The following ATG7 variants were observed in gnomAD, a reference collection of about 807,000 sequenced individuals.
ATG7 encodes the protein ubiquitin-like modifier-activating enzyme ATG7.
ATG7 carries 70 observed loss-of-function variants against 82.4 expected under a neutral mutation model. The observed-to-expected ratio is 0.85, with a 90% confidence interval of 0.70 to 1.04. ATG7 has a LOEUF of 1.04. Ranked by LOEUF, ATG7 falls within the 50% of genes least tolerant of loss-of-function variation. The pLI is 0.00. For missense variants in ATG7, 792 were observed against 864.3 expected (o/e 0.92, Z 1.05); for synonymous variants, 287 against 313.0 (o/e 0.92, Z 0.88).
At chr3:11,574,248 T>C in the ATG7 span, among the ~76,000 whole-genome samples, 43 of 152,310 alleles carry the variant, frequency 2.8e-4, no homozygotes, top group African/African-American at 7.9e-4. Context: ...CTTTAGATAT[T>C]TGCCACACCC....
chr3:11,518,728 T>G (rs551183028), intron 20 of ATG7, among the ~76,000 whole-genome samples: 98 of 152,258 alleles, frequency 6.4e-4, no homozygotes, highest in Non-Finnish European at 1.1e-3. Context: ...CATACCCAAA[T>G]TGATAATCAG....
intron 20 of ATG7, among the ~76,000 whole-genome samples, chr3:11,439,497 C>A (rs1388177322): frequency 6.6e-6 from 1 of 152,146 alleles, no homozygotes; most frequent in Admixed American, 6.5e-5. Context: ...TGGCTTCTAT[C>A]AGTCAACAGA....
downstream of ATG7, among the ~76,000 whole-genome samples, chr3:11,559,023 C>G (rs1328925908): frequency 2.0e-5 from 3 of 152,174 alleles, no homozygotes; most frequent in Non-Finnish European, 4.4e-5. Context: ...GGTGATGTAC[C>G]AACTGCACTG....
At position 11,315,482 on chromosome 3, in the gene ATG7, C is replaced by G; in HGVS notation, c.667C>G (p.Gln223Glu). The G allele has an allele frequency of 6.3e-7, 1 of 1,595,972 alleles. No individual in the cohort carries two copies. The highest frequency in any genetic ancestry group is 1.2e-5 in the South Asian group (1 of 86,688). ...LKHYSDFFQG[Q>E]RTKITIGVYD... ...ACACTACAGTGATTTCTTCCAAGGT[C>G]AAAGGACGAAGGTCAGATAAACTTT... The change falls in exon 9 of 21, where the codon CAA (glutamine) becomes GAA (glutamate). Residue 223 changes from glutamine (Q) to glutamate (E), a missense_variant. Gln to Glu is a conservative substitution (Grantham distance 29). Coordinates refer to ENST00000693202, the MANE Select transcript of ATG7 (RefSeq NM_001349232.2).
intron 20 of ATG7, among the ~76,000 whole-genome samples, chr3:11,494,580 T>C (rs1559746351): frequency 6.6e-6 from 1 of 152,102 alleles, no homozygotes; most frequent in Admixed American, 6.6e-5. Flanking sequence ...TAGGAAGAAG[T>C]TATAGGAAAT....
chr3:11,570,728 A>G, the ATG7 span, among the ~76,000 whole-genome samples: 1 of 152,248 alleles, frequency 6.6e-6, no homozygotes, highest in Non-Finnish European at 1.5e-5. Context: ...AATGTTGGGC[A>G]TAAACAGTGG....
At chr3:11,515,041 A>G (rs560858500) in intron 20 of ATG7, among the ~76,000 whole-genome samples, 20 of 152,026 alleles carry the variant, frequency 1.3e-4, no homozygotes, top group African/African-American at 4.6e-4. Context: ...GGGTTTCACC[A>G]TGTTGGTCAG....
chr3:11,354,081 A>G (rs1179499119), intron 14 of ATG7, among the ~76,000 whole-genome samples: 3 of 152,198 alleles, frequency 2.0e-5, no homozygotes, highest in Non-Finnish European at 4.4e-5. Flanking sequence ...GACTAACCGT[A>G]TTCTGGCCCC....
chr3:11,287,862 A>C (rs966712274), intron 3 of ATG7, among the ~76,000 whole-genome samples: 3 of 152,266 alleles, frequency 2.0e-5, no homozygotes, highest in African/African-American at 4.8e-5. Context: ...CCTCAAAACA[A>C]AATATACTAT....
chr3:11,551,429 T>C (rs754705833), intron 20 of ATG7, among the ~76,000 whole-genome samples: 4 of 152,276 alleles, frequency 2.6e-5, no homozygotes, highest in African/African-American at 2.4e-5. Flanking sequence ...AATCGTCCTA[T>C]GCAGAAACAA....
intron 20 of ATG7, among the ~76,000 whole-genome samples, chr3:11,498,810 G>C (rs1037626387): frequency 6.6e-6 from 1 of 152,210 alleles, no homozygotes; most frequent in Admixed American, 6.5e-5. Flanking sequence ...CCTAGGCTGG[G>C]CTCCAGGCCA....
At chr3:11,317,584 CTT>C (rs370026914) in intron 9 of ATG7, among the ~76,000 whole-genome samples, 1,172 of 114,510 alleles carry the variant, frequency 0.01, 9 homozygotes, top group African/African-American at 0.033. Flanking sequence ...TTCTTTCTTT[CTT>C]TTTTTTTTTT....
intron 8 of ATG7, 113 bp from the exon 9 acceptor site, chr3:11,315,230 TG>T: frequency 3.2e-6 from 3 of 941,860 alleles, no homozygotes; most frequent in Non-Finnish European, 4.5e-6. Context: ...AAGAGGAGTG[TG>T]ATCAGTCATT....
intron 1 of ATG7, chr3:11,277,443 A>T (rs1392758061): frequency 6.6e-6 from 1 of 152,398 alleles, no homozygotes; most frequent in Non-Finnish European, 1.5e-5. Flanking sequence ...ATTTTCCATA[A>T]GTGTCAGCTG....
chr3:11,564,550 C>T, the ATG7 span, among the ~76,000 whole-genome samples: 625 of 152,274 alleles, frequency 4.1e-3, 4 homozygotes, highest in African/African-American at 0.014. Flanking sequence ...TGCCCAAGGC[C>T]GTGAGTGCTA....
chr3:11,389,232 CAAAAAAAAAAAAAAAA>C (rs752930553), intron 19 of ATG7, among the ~76,000 whole-genome samples: 3 of 57,250 alleles, frequency 5.2e-5, no homozygotes, highest in African/African-American at 7.9e-5. Flanking sequence ...GACCCTGTCT[CAAAAAAAAAAAAAAAA>C]AAAAAAAAAG....
intron 19 of ATG7, among the ~76,000 whole-genome samples, chr3:11,413,309 A>G (rs1191314528): frequency 6.6e-6 from 1 of 152,026 alleles, no homozygotes; most frequent in Non-Finnish European, 1.5e-5. Flanking sequence ...TTTGTTGCAT[A>G]TGGCTTTTAT....
intron 18 of ATG7, among the ~76,000 whole-genome samples, chr3:11,373,832 A>G (rs1299740229): frequency 6.6e-6 from 1 of 152,182 alleles, no homozygotes; most frequent in African/African-American, 2.4e-5. Flanking sequence ...TTCTTATAAG[A>G]TTGAGGAAGT....
intron 20 of ATG7, among the ~76,000 whole-genome samples, chr3:11,444,099 G>T (rs2084282213): frequency 6.6e-6 from 1 of 152,096 alleles, no homozygotes; most frequent in Admixed American, 6.6e-5. Flanking sequence ...ATTCTTTCGT[G>T]TCTTGTTTTG....
Sources: allele counts gnomAD v4.1 joint callset (sites outside exome capture counted in the v4.1 genomes callset), GRCh38; gene constraint gnomAD v4.1.1; transcripts MANE v1.5; gene names NCBI Gene and HGNC (gene_info 2026-07-23, HGNC 2026-07-21).